The following CFAP299 variants were observed in gnomAD, a reference collection of about 807,000 sequenced individuals.
The protein encoded by CFAP299 is cilia- and flagella-associated protein 299.
CFAP299 carries 21 observed loss-of-function variants against 27.0 expected under a neutral mutation model. The ratio of observed to expected loss-of-function variants is 0.78; its 90% CI spans 0.55 to 1.12. The LOEUF (loss-of-function observed/expected upper bound fraction) is 1.12, where lower values mean the gene tolerates loss of function less well. Ranked by LOEUF, CFAP299 falls within the 50% of genes most tolerant of loss-of-function variation. The probability of loss-of-function intolerance (pLI) is 0.00; values close to 1 mark genes in which losing one functional copy is unlikely to be tolerated. For synonymous variants in CFAP299, 104 were observed against 98.1 expected (o/e 1.06, Z -0.36); for missense variants, 310 against 276.6 (o/e 1.12, Z -0.86).
intron 4 of CFAP299, among the ~76,000 whole-genome samples, chr4:80,929,830 C>T (rs190863582): frequency 6.6e-6 from 1 of 152,286 alleles, no homozygotes; most frequent in East Asian, 1.9e-4. Flanking sequence ...TAAACAAGGC[C>T]TTCTGAGATC....
At chr4:80,933,658 G>C (rs972995557) in intron 4 of CFAP299, among the ~76,000 whole-genome samples, 1 of 151,424 alleles carries the variant, frequency 6.6e-6, no homozygotes, top group Non-Finnish European at 1.5e-5. Context: ...CACCTCCTTG[G>C]TTAATTTTAT....
At chr4:80,702,446 G>A (rs1721559549) in intron 3 of CFAP299, among the ~76,000 whole-genome samples, 1 of 151,854 alleles carries the variant, frequency 6.6e-6, no homozygotes, top group African/African-American at 2.4e-5. Context: ...GTGGAATAGA[G>A]ATAAATACCT....
intron 2 of CFAP299, among the ~76,000 whole-genome samples, chr4:80,495,711 G>A (rs1359519905): frequency 6.6e-6 from 1 of 152,196 alleles, no homozygotes; most frequent in Non-Finnish European, 1.5e-5. Flanking sequence ...CCAAGACCGG[G>A]CAATTTATAC....
intron 2 of CFAP299, among the ~76,000 whole-genome samples, chr4:80,428,706 TTG>T (rs34538708): frequency 0.9 from 128,110 of 141,890 alleles, 58,255 homozygotes; most frequent in East Asian, 0.99. Context: ...TTTTTTTTTT[TTG>T]TTTGTATTTT....
At chr4:80,416,388 C>G (rs1727005603) in intron 2 of CFAP299, among the ~76,000 whole-genome samples, 1 of 152,154 alleles carries the variant, frequency 6.6e-6, no homozygotes, top group Non-Finnish European at 1.5e-5. Context: ...AAAAGACCTA[C>G]TGTCCTCTCC....
intron 1 of CFAP299, among the ~76,000 whole-genome samples, chr4:80,362,279 C>T (rs557409934): frequency 2.8e-4 from 42 of 150,964 alleles, no homozygotes; most frequent in Non-Finnish European, 5.2e-4. Flanking sequence ...TCTGTGCCAT[C>T]GGTTAATTGA....
intron 3 of CFAP299, among the ~76,000 whole-genome samples, chr4:80,800,360 T>C (rs1477304346): frequency 4.2e-5 from 3 of 72,028 alleles, no homozygotes; most frequent in African/African-American, 1.2e-4. Flanking sequence ...ATATATGATA[T>C]ATTAATATAA....
At chr4:80,367,122 T>C (rs898112710) in intron 2 of CFAP299, among the ~76,000 whole-genome samples, 1 of 152,172 alleles carries the variant, frequency 6.6e-6, no homozygotes, top group African/African-American at 2.4e-5. Context: ...TAAATAGACA[T>C]TGGTGATAAT....
At chr4:80,527,142 T>A (rs1733231921) in intron 2 of CFAP299, among the ~76,000 whole-genome samples, 1 of 152,158 alleles carries the variant, frequency 6.6e-6, no homozygotes, top group Admixed American at 6.5e-5. Flanking sequence ...CAATTGCTCT[T>A]TACTCTTTAT....
upstream of CFAP299, among the ~76,000 whole-genome samples, chr4:80,332,949 C>G (rs1278109117): frequency 6.6e-6 from 1 of 152,154 alleles, no homozygotes; most frequent in Non-Finnish European, 1.5e-5. Flanking sequence ...AAGTTTTTCT[C>G]TGTTCCAAAG....
At chr4:80,387,766 G>C (rs1306704659) in intron 2 of CFAP299, 2 of 1,588,620 alleles carry the variant, frequency 1.3e-6, no homozygotes, top group African/African-American at 2.7e-5. Context: ...GAAGTTTTTG[G>C]TGAATGACTT....
the CFAP299 span, among the ~76,000 whole-genome samples, chr4:80,329,135 G>A: frequency 6.7e-6 from 1 of 150,146 alleles, no homozygotes; most frequent in Non-Finnish European, 1.5e-5. Flanking sequence ...TTTATGTGTG[G>A]CCCAAGATAA....
chr4:80,749,028 C>T (rs538249136), intron 3 of CFAP299, among the ~76,000 whole-genome samples: 3 of 152,078 alleles, frequency 2.0e-5, no homozygotes, highest in Non-Finnish European at 4.4e-5. Context: ...GTTTTTTTCT[C>T]TTTACCTATT....
Position 80,345,452 on chromosome 4 carries a change from G to T in CFAP299, c.111+9573G>T, listed in dbSNP as rs1451534974. Reference sequence around the variant, plus strand: ...CCCCCAACCCATGACAGACCCCGGTGTGTGATGTTCCCCTCCCTGTGTCCA... The same window carrying T: ...CCCCCAACCCATGACAGACCCCGGTTTGTGATGTTCCCCTCCCTGTGTCCA... On this transcript the variant is annotated intron_variant, in intron 1 of 5. Coordinates refer to ENST00000358105, the MANE Select transcript of CFAP299 (RefSeq NM_152770.3). 2.3e-5 allele frequency among the ~76,000 whole-genome samples: 3 copies of T among 132,278 alleles called. No homozygotes were observed. In the East Asian group the frequency reaches 6.6e-4, roughly 29 times the overall value. 86.8% of individuals were successfully genotyped at this position (132,278 alleles called of 152,430 possible).
At chr4:80,785,975 G>A (rs534830881) in intron 3 of CFAP299, among the ~76,000 whole-genome samples, 3 of 152,200 alleles carry the variant, frequency 2.0e-5, no homozygotes, top group Non-Finnish European at 4.4e-5. Context: ...TCAGGGCAAA[G>A]CAGAACAGAA....
At chr4:80,594,396 G>T (rs1736948206) in intron 3 of CFAP299, among the ~76,000 whole-genome samples, 1 of 152,156 alleles carries the variant, frequency 6.6e-6, no homozygotes, top group Admixed American at 6.5e-5. Context: ...CCTCATGCCA[G>T]GGTCCTTCCT....
chr4:80,619,034 A>G (rs1359661274), intron 3 of CFAP299, among the ~76,000 whole-genome samples: 1 of 152,162 alleles, frequency 6.6e-6, no homozygotes, highest in Non-Finnish European at 1.5e-5. Context: ...TTTTGAAGTC[A>G]TTCAGAAATT....
In CFAP299 at chr4:80,362,745, T is replaced by C. The variant is rs371242814; in HGVS notation, c.112-9T>C. ...TGCCCACTCACCTAACAACTGATTT[T>C]CTCTCTAGGATGAAACCCTGGCCCG... On this transcript the variant is annotated splice_polypyrimidine_tract_variant and intron_variant, in intron 1 of 5. Coordinates refer to ENST00000358105, the MANE Select transcript of CFAP299 (RefSeq NM_152770.3). 26 of 1,588,496 alleles carry C rather than the reference T, an allele frequency of 1.6e-5. No individual in the cohort carries two copies. The highest frequency in any genetic ancestry group is 2.2e-5 in the Non-Finnish European group (26 of 1,172,950).
intron 3 of CFAP299, among the ~76,000 whole-genome samples, chr4:80,591,273 G>A (rs1736768896): frequency 2.7e-5 from 4 of 150,406 alleles, no homozygotes; most frequent in Non-Finnish European, 4.5e-5. Context: ...ACAGGCGCCC[G>A]CCACTACGCC....
Sources: gnomAD v4.1 joint callset for allele counts (sites outside exome capture counted in the v4.1 genomes callset) on GRCh38, gnomAD v4.1.1 for gene constraint, MANE v1.5 for transcripts, NCBI Gene and HGNC (gene_info 2026-07-23, HGNC 2026-07-21) for gene names.